Variants in GRID2 observed in about 807,000 individuals in gnomAD.
The protein encoded by GRID2 is glutamate ionotropic receptor delta type subunit 2, also known as glutamate receptor ionotropic, delta-2.
A neutral mutation model predicts 114.8 loss-of-function variants in GRID2; 33 were observed. That is an observed-to-expected ratio of 0.29 (90% CI 0.22 to 0.38). GRID2 has a LOEUF of 0.38. Among genes scored for constraint, GRID2 ranks in the 10% least tolerant of loss-of-function variants. The pLI is 1.00. For synonymous variants in GRID2, 505 were observed against 449.9 expected, an observed-to-expected ratio of 1.12 and a Z score of -1.55; for missense variants, 1,184 against 1,257.7, an observed-to-expected ratio of 0.94 and a Z score of 0.89.
chr4:93,781,873 T>G (rs995016598), intron 1 of GRID2, among the ~76,000 whole-genome samples: 8 of 152,172 alleles, frequency 5.3e-5, no homozygotes, highest in Non-Finnish European at 1.2e-4. Context: ...TGACTGCATT[T>G]GACTTCCAGT....
rs553104949 is a variant in GRID2 at position 93,675,481 on chromosome 4, A to T, written c.2360+49046A>T. The stretch of plus-strand genomic sequence containing the variant: ...CTAAGATTTATTAAACACCTACTGC[A>T]TATTAAACACTCTTCTAAGTGCTTA... On this transcript the variant is annotated intron_variant, in intron 14 of 15. Coordinates refer to ENST00000282020, the MANE Select transcript of GRID2 (RefSeq NM_001510.4). 2.0e-5 allele frequency among the ~76,000 whole-genome samples: 3 copies of T among 152,338 alleles called. No individual in the cohort carries two copies. The South Asian group carries it at 6.2e-4, about 32-fold the overall frequency.
At chr4:92,612,026 T>C (rs1437470053) in intron 2 of GRID2, among the ~76,000 whole-genome samples, 1 of 151,558 alleles carries the variant, frequency 6.6e-6, no homozygotes, top group Non-Finnish European at 1.5e-5. Context: ...CTTATGTGTT[T>C]AGCTTTGATA....
chr4:93,578,585 G>GTTTTTTGTTTTTT (rs1736642083), intron 13 of GRID2, among the ~76,000 whole-genome samples: 3 of 115,256 alleles, frequency 2.6e-5, no homozygotes, highest in African/African-American at 7.6e-5. Context: ...CTTGTTTTTT[G>GTTTTTTGTTTTTT]TATTTTTTTT....
intron 13 of GRID2, among the ~76,000 whole-genome samples, chr4:93,558,161 CAATG>C (rs1734505404): frequency 6.6e-6 from 1 of 152,032 alleles, no homozygotes; most frequent in African/African-American, 2.4e-5. Context: ...GACGCCCTAA[CAATG>C]AAATTAAAAG....
At position 93,786,491 on chromosome 4, in the gene GRID2, G is replaced by A. The variant is rs529863030; in HGVS notation, c.221+17041G>A. Among the ~76,000 whole-genome samples the A allele has an allele frequency of 2.6e-5, 4 of 152,318 alleles. No homozygotes were observed. The South Asian group carries it at 8.3e-4, about 32-fold the overall frequency. On this transcript the variant is annotated intron_variant, in intron 1 of 1. Coordinates refer to the GRID2 transcript ENST00000637838. ...GTTTTGAAAAGGTAAAAAGGAATGA[G>A]ATCCAGGGTACAATTCCTCTGCAGT...
At chr4:92,805,908 C>T (rs1425676498) in intron 2 of GRID2, among the ~76,000 whole-genome samples, 3 of 151,586 alleles carry the variant, frequency 2.0e-5, no homozygotes, top group Non-Finnish European at 4.4e-5. Flanking sequence ...TTTGATTTCC[C>T]TTTCAACTCT....
chr4:93,191,730 C>T (rs1488012534), intron 4 of GRID2, among the ~76,000 whole-genome samples: 3 of 151,964 alleles, frequency 2.0e-5, no homozygotes, highest in African/African-American at 7.3e-5. Context: ...TTATCCAAGC[C>T]CAATCTGCCC....
intron 2 of GRID2, among the ~76,000 whole-genome samples, chr4:92,791,161 T>A (rs1423515201): frequency 6.6e-6 from 1 of 151,814 alleles, no homozygotes; most frequent in Non-Finnish European, 1.5e-5. Context: ...AGCTTACTAA[T>A]GAAATACCAA....
intron 13 of GRID2, among the ~76,000 whole-genome samples, chr4:93,561,601 T>A (rs1384643723): frequency 1.3e-5 from 2 of 152,184 alleles, no homozygotes; most frequent in African/African-American, 4.8e-5. Flanking sequence ...ATTCTGACTT[T>A]GGACAAATAT....
intron 4 of GRID2, among the ~76,000 whole-genome samples, chr4:93,161,382 T>C (rs1737670580): frequency 6.6e-6 from 1 of 151,862 alleles, no homozygotes. Context: ...ACATTCTTCA[T>C]TATTACTGGA....
intron 2 of GRID2, among the ~76,000 whole-genome samples, chr4:92,886,945 T>TG (rs572106257): frequency 2.6e-5 from 4 of 152,112 alleles, no homozygotes; most frequent in African/African-American, 7.2e-5. Context: ...TATTATTTTT[T>TG]GGGGGAAAAA....
chr4:93,015,052 T>G (rs190684485), intron 2 of GRID2, among the ~76,000 whole-genome samples: 2 of 152,168 alleles, frequency 1.3e-5, no homozygotes, highest in African/African-American at 2.4e-5. Flanking sequence ...CAGAATTTGT[T>G]AAATGCTTAA....
At chr4:93,032,823 A>G (rs1480674881) in intron 2 of GRID2, among the ~76,000 whole-genome samples, 1 of 152,190 alleles carries the variant, frequency 6.6e-6, no homozygotes, top group Non-Finnish European at 1.5e-5. Flanking sequence ...ACAATCAAGC[A>G]ATGAAAGTAG....
intron 2 of GRID2, among the ~76,000 whole-genome samples, chr4:92,948,420 A>T (rs1275567180): frequency 6.6e-6 from 1 of 151,878 alleles, no homozygotes; most frequent in Non-Finnish European, 1.5e-5. Context: ...TCCTATTTTA[A>T]ATCTAAAGAT....
intron 2 of GRID2, among the ~76,000 whole-genome samples, chr4:93,004,222 C>CT (rs1222749625): frequency 1.7e-3 from 249 of 148,320 alleles, no homozygotes; most frequent in East Asian, 7.9e-3. Context: ...CAAAAAAAGT[C>CT]TTTTTTTTTT....
At chr4:92,920,754 G>A (rs1282982447) in intron 2 of GRID2, among the ~76,000 whole-genome samples, 2 of 152,104 alleles carry the variant, frequency 1.3e-5, no homozygotes, top group Non-Finnish European at 2.9e-5. Flanking sequence ...TGGGTAACTC[G>A]ACCTTTCTCT....
chr4:92,632,503 C>G (rs970082780), intron 2 of GRID2, among the ~76,000 whole-genome samples: 6 of 152,016 alleles, frequency 3.9e-5, no homozygotes, highest in Non-Finnish European at 7.4e-5. Flanking sequence ...CATAGTGGCA[C>G]ACACCTATAA....
chr4:92,943,524 A>G (rs1269724732), intron 2 of GRID2, among the ~76,000 whole-genome samples: 1 of 151,850 alleles, frequency 6.6e-6, no homozygotes, highest in African/African-American at 2.4e-5. Context: ...ATGGGTTCGA[A>G]CTTCCTCCTT....
At position 93,774,012 on chromosome 4, in the gene GRID2, C is replaced by T. The variant is rs180809498; in HGVS notation, c.*1514C>T. 5.5e-4 allele frequency: 83 copies of T among 152,160 alleles called. 1 individual carries two copies. The East Asian group carries it at 0.014, about 25-fold the overall frequency. The allele number at this position is 152,160 out of a possible 1,614,324, so 9.4% of individuals were successfully genotyped here. A position where few individuals can be genotyped will look rare whatever the true frequency, so the allele number is the denominator to read the frequency against. On this transcript the variant is annotated 3_prime_UTR_variant, in exon 16 of 16. Transcript: ENST00000282020. ...AGCAAGAACTTATTCTGTGTTTTTACGCAGCCATACACTTACTTTAATCTA... is the reference window on the plus strand; with the variant it reads ...AGCAAGAACTTATTCTGTGTTTTTATGCAGCCATACACTTACTTTAATCTA...
Sources: gnomAD v4.1 joint callset for allele counts (sites outside exome capture counted in the v4.1 genomes callset) on GRCh38, gnomAD v4.1.1 for gene constraint, MANE v1.5 for transcripts, NCBI Gene and HGNC (gene_info 2026-07-23, HGNC 2026-07-21) for gene names.